Variants in FECH observed in about 807,000 individuals in gnomAD.
FECH encodes the protein ferrochelatase, mitochondrial.
Under a neutral mutation model 56.9 loss-of-function variants are expected in FECH, and 40 were observed. The observed-to-expected ratio is 0.70, with a 90% CI of 0.55 to 0.92. The LOEUF (loss-of-function observed/expected upper bound fraction) is 0.92, where lower values mean the gene tolerates loss of function less well. Among genes scored for constraint, FECH ranks in the 40% least tolerant of loss-of-function variants. FECH has a pLI of 0.00. For synonymous variants in FECH, 175 were observed against 198.6 expected, an observed-to-expected ratio of 0.88 and a Z score of 1.00; for missense variants, 431 against 529.1, an observed-to-expected ratio of 0.81 and a Z score of 1.82.
At chr18:57,578,029 T>G (rs2051207711) in intron 2 of FECH, among the ~76,000 whole-genome samples, 1 of 152,218 alleles carries the variant, frequency 6.6e-6, no homozygotes, top group South Asian at 2.1e-4. Flanking sequence ...CTAAAGTTAC[T>G]TAGTAGAATT....
rs2050739178 is a variant in FECH at position 57,547,847 on chromosome 18, G to C, written c.*2865C>G. ...GTCAGGGTCTCCCTATGTTGCCCAG[G>C]CTGGTCTTGAACTCTTGGGATCAAG... On this transcript the variant is annotated 3_prime_UTR_variant, in exon 11 of 11. Transcript: ENST00000262093. Among the ~76,000 whole-genome samples, 1 of 152,012 alleles carries C rather than the reference G, an allele frequency of 6.6e-6. No individual in the cohort carries two copies. Among genetic ancestry groups the C allele is most frequent in the Non-Finnish European group, 1.5e-5 (1 of 68,002 alleles).
intron 6 of FECH, among the ~76,000 whole-genome samples, chr18:57,561,643 AT>A (rs1170544666): frequency 2.0e-5 from 3 of 152,124 alleles, no homozygotes; most frequent in Non-Finnish European, 4.4e-5. Context: ...AGACCTTTCC[AT>A]CGTTTTGCTT....
In FECH at chr18:57,555,129, C is replaced by G. The variant is rs549971946; in HGVS notation, c.805-177G>C. ...AACTTCCTTAGTTCCACTTCTTCATCAGCCAAAGAAAAACACCGCAGTCAA... is the reference window on the plus strand; with the variant it reads ...AACTTCCTTAGTTCCACTTCTTCATGAGCCAAAGAAAAACACCGCAGTCAA... On this transcript the variant is annotated intron_variant, in intron 7 of 10. Transcript: ENST00000262093. Among the ~76,000 whole-genome samples the G allele has an allele frequency of 1.6e-4, 24 of 152,344 alleles. No homozygotes were observed. The South Asian group carries it at 5.0e-3, about 32-fold the overall frequency.
Position 57,550,947 on chromosome 18 carries a change from G to T in FECH, c.1138-101C>A, listed in dbSNP as rs1438881080. 29 of 1,513,774 alleles carry T rather than the reference G, an allele frequency of 1.9e-5. No individual in the cohort carries two copies. In the East Asian group the frequency reaches 6.2e-4, roughly 32 times the overall value. The allele number at this position is 1,513,774 out of a possible 1,614,324, so 93.8% of individuals were successfully genotyped here. ...GCCCAGGTCAGCGCTCTGGCTTGGG[G>T]TTTCTTTTCATCCGAGTGGTGAGCC... On this transcript the variant is annotated intron_variant, in intron 10 of 10. Transcript: ENST00000262093.
chr18:57,555,037 C>A lies in FECH; in HGVS notation c.805-85G>T, dbSNP rs113514171. ...TGACTATGTGCTGACACAGTGTGAGCCCTGGAACAAAGCCCTCCCTTTCTG... is the reference window on the plus strand; with the variant it reads ...TGACTATGTGCTGACACAGTGTGAGACCTGGAACAAAGCCCTCCCTTTCTG... On this transcript the variant is annotated intron_variant, in intron 7 of 10. Transcript: ENST00000262093. The A allele has an allele frequency of 1.6e-4, 163 of 1,051,042 alleles. No homozygotes were observed. The African/African-American group carries it at 2.0e-3, about 13-fold the overall frequency. 65.1% of individuals were successfully genotyped at this position (1,051,042 alleles called of 1,614,324 possible).
In FECH at chr18:57,549,072, T is replaced by C. The variant is rs1477347612; in HGVS notation, c.*1640A>G. The C allele has an allele frequency of 6.6e-6, 1 of 152,132 alleles. No individual in the cohort carries two copies. The highest frequency in any genetic ancestry group is 2.4e-5 in the African/African-American group (1 of 41,412). The allele number at this position is 152,132 out of a possible 1,614,324, so 9.4% of individuals were successfully genotyped here. A position where few individuals can be genotyped will look rare whatever the true frequency, so the allele number is the denominator to read the frequency against. ...GTGAACCTCATCCCCAAAAAGGTAA[T>C]GGCAAAGGCTAGAGGAAAATCCTAA... is the stretch of plus-strand genomic sequence containing the variant. On this transcript the variant is annotated 3_prime_UTR_variant, in exon 11 of 11. Coordinates refer to ENST00000262093, the MANE Select transcript of FECH (RefSeq NM_000140.5).
intron 5 of FECH, among the ~76,000 whole-genome samples, chr18:57,565,331 T>G (rs955170859): frequency 6.6e-6 from 1 of 152,114 alleles, no homozygotes; most frequent in Non-Finnish European, 1.5e-5. Flanking sequence ...TCAGGCTGAG[T>G]GCGGTGGCTC....
In FECH at chr18:57,547,562, G is replaced by A. The variant is rs187662303; in HGVS notation, c.*3150C>T. Among the ~76,000 whole-genome samples the A allele has an allele frequency of 6.6e-6, 1 of 152,212 alleles. No individual in the cohort carries two copies. The highest frequency in any genetic ancestry group is 1.5e-5 in the Non-Finnish European group (1 of 68,006). ...CTGCCATGATTGTCAATTTCCTAAG[G>A]CTTCCTCAGAAAGCCGAACCGAGTC... On this transcript the variant is annotated 3_prime_UTR_variant, in exon 11 of 11. Transcript: ENST00000262093.
Position 57,571,348 on chromosome 18 carries a change from C to T in FECH, c.463+44G>A, listed in dbSNP as rs189964821. On this transcript the variant is annotated intron_variant, in intron 4 of 10. Coordinates refer to ENST00000262093, the MANE Select transcript of FECH (RefSeq NM_000140.5). ...ACTCTTTTGAATTTCATAACTACTTCGAAAGAACTAATCTAGTTACATGTT... is the reference window on the plus strand; with the variant it reads ...ACTCTTTTGAATTTCATAACTACTTTGAAAGAACTAATCTAGTTACATGTT... The T allele has an allele frequency of 6.5e-3, 10,425 of 1,599,878 alleles. 48 individuals carry two copies. The highest frequency in any genetic ancestry group is 8.2e-3 in the Non-Finnish European group (9,569 of 1,167,278).
Position 57,559,226 on chromosome 18 carries a change from A to C in FECH, c.723T>G (p.Ile241Met). The C allele has an allele frequency of 6.2e-7, 1 of 1,612,720 alleles. No homozygotes were observed. The highest frequency in any genetic ancestry group is 8.5e-7 in the Non-Finnish European group (1 of 1,178,784). Residue 241 changes from isoleucine to methionine, a missense_variant, in exon 7 of 11, where the codon ATT becomes ATG. By Grantham distance (10) the Ile-to-Met change is conservative. Transcript: ENST00000262093. ...HLLIQCFADHILKELDHFPLE... is the reference protein window; with the variant it reads ...HLLIQCFADHMLKELDHFPLE... The stretch of plus-strand genomic sequence containing the variant: ...GTGGAAAATGGTCCAGTTCCTTTAG[A>C]ATATGATCTGCAAAGCACTGAGTGA...
chr18:57,550,843 G>A lies in FECH; in HGVS notation c.1141C>T (p.Leu381=). 4 of 1,613,656 alleles carry A rather than the reference G, an allele frequency of 2.5e-6. No homozygotes were observed. The highest frequency in any genetic ancestry group is 3.4e-6 in the Non-Finnish European group (4 of 1,180,018). The change falls in exon 11 of 11, where the codon CTG becomes TTG. Residue 381 remains leucine (L), a synonymous_variant. Coordinates refer to ENST00000262093, the MANE Select transcript of FECH (RefSeq NM_000140.5). The part of the protein sequence containing the change: ...LNGNPLFSKA[L]ADLVHSHIQS... ...ATGTGTGAATGCACCAAGTCGGCCA[G>A]GGCCTGGAAGATAGACAAGAGGCAA...
rs1463702074 is a variant in FECH at position 57,544,539 on chromosome 18, C to G, written c.*6173G>C. ...GTTGATGTTTACCAAGCTCTCGCATCTGCAGCCAACCTATGGTTGCAATTG... is the reference window on the plus strand; with the variant it reads ...GTTGATGTTTACCAAGCTCTCGCATGTGCAGCCAACCTATGGTTGCAATTG... On this transcript the variant is annotated 3_prime_UTR_variant, in exon 11 of 11. Transcript: ENST00000262093. Among the ~76,000 whole-genome samples, 1 of 152,246 alleles carries G rather than the reference C, an allele frequency of 6.6e-6. No individual in the cohort carries two copies. Among genetic ancestry groups the G allele is most frequent in the Non-Finnish European group, 1.5e-5 (1 of 68,040 alleles).
At chr18:57,562,196 C>T (rs2050954034) in intron 6 of FECH, among the ~76,000 whole-genome samples, 1 of 152,122 alleles carries the variant, frequency 6.6e-6, no homozygotes, top group African/African-American at 2.4e-5. Context: ...CTTCTACTAG[C>T]AGAACAAAAT....
chr18:57,577,863 T>G (rs1200670942), intron 2 of FECH, among the ~76,000 whole-genome samples: 1 of 151,788 alleles, frequency 6.6e-6, no homozygotes, highest in Non-Finnish European at 1.5e-5. Flanking sequence ...AAGACAAGCC[T>G]GAGCAACACA....
Position 57,554,008 on chromosome 18 carries a change from A to G in FECH, c.1077+252T>C, listed in dbSNP as rs72627248. On this transcript the variant is annotated intron_variant, in intron 9 of 10. Transcript: ENST00000262093. ...GTAGCCCAGTAACTCAAACTAAACA[A>G]AATGATGTCAGCCACAGTGATCCCT... Among the ~76,000 whole-genome samples, 13,305 of 152,288 alleles carry G rather than the reference A, an allele frequency of 0.087. 1,048 individuals are homozygous for G. Among genetic ancestry groups the G allele is most frequent in the East Asian group, 0.32 (1,652 of 5,178 alleles).
At chr18:57,559,426 G>A (rs1453770879) in intron 6 of FECH, among the ~76,000 whole-genome samples, 183 bp from the exon 7 acceptor site, 1 of 152,150 alleles carries the variant, frequency 6.6e-6, no homozygotes, top group Non-Finnish European at 1.5e-5. Flanking sequence ...CATCAAAATG[G>A]ATCATAACAG....
chr18:57,581,426 T>C (rs890876803), intron 1 of FECH, among the ~76,000 whole-genome samples: 1 of 152,224 alleles, frequency 6.6e-6, no homozygotes, highest in African/African-American at 2.4e-5. Context: ...AAGATGGCCA[T>C]GTGAGACGGT....
At chr18:57,562,783 G>T (rs920431888) in intron 6 of FECH, 91 bp downstream of exon 6, 3 of 912,036 alleles carry the variant, frequency 3.3e-6, no homozygotes, top group African/African-American at 1.6e-5. Context: ...GAACAGTAAG[G>T]CTCAGAAGGA....
At position 57,548,847 on chromosome 18, in the gene FECH, C is replaced by T. The variant is rs2050755313; in HGVS notation, c.*1865G>A. The T allele has an allele frequency of 1.3e-5, 2 of 152,212 alleles. No individual in the cohort carries two copies. The highest frequency in any genetic ancestry group is 2.4e-5 in the African/African-American group (1 of 41,444). 9.4% of individuals were successfully genotyped at this position (152,212 alleles called of 1,614,324 possible). A position where few individuals can be genotyped will look rare whatever the true frequency, so the allele number is the denominator to read the frequency against. ...CAAATAAGTGCTTCAGATATACTCG[C>T]AAGGGCTCCTGAATTGGAGTTTTCT... On this transcript the variant is annotated 3_prime_UTR_variant, in exon 11 of 11. Transcript: ENST00000262093.
Sources: allele counts gnomAD v4.1 joint callset (sites outside exome capture counted in the v4.1 genomes callset), GRCh38; gene constraint gnomAD v4.1.1; transcripts MANE v1.5; gene names NCBI Gene and HGNC (gene_info 2026-07-23, HGNC 2026-07-21).